Variants in CFAP299 observed in about 807,000 individuals in gnomAD.
The protein encoded by CFAP299 is cilia and flagella associated protein 299, also known as cilia- and flagella-associated protein 299.
In CFAP299, 21 loss-of-function variants were observed where a neutral mutation model predicts 27.0. The ratio of observed to expected loss-of-function variants is 0.78; its 90% CI spans 0.55 to 1.12. The LOEUF (loss-of-function observed/expected upper bound fraction) is 1.12. Ranked by LOEUF, CFAP299 falls within the 50% of genes most tolerant of loss-of-function variation. The pLI is 0.00. For synonymous variants in CFAP299, 104 were observed against 98.1 expected (o/e 1.06, Z -0.36); for missense variants, 310 against 276.6 (o/e 1.12, Z -0.86).
chr4:80,407,667 A>G (rs1726502620), intron 2 of CFAP299, among the ~76,000 whole-genome samples: 1 of 152,172 alleles, frequency 6.6e-6, no homozygotes. Context: ...TTATAAGAGA[A>G]CTTGAAAATT....
At chr4:80,448,616 C>T (rs979920022) in intron 2 of CFAP299, among the ~76,000 whole-genome samples, 2 of 152,016 alleles carry the variant, frequency 1.3e-5, no homozygotes, top group Admixed American at 6.6e-5. Context: ...AGATCTAGAT[C>T]CTCTCTGAAA....
intron 3 of CFAP299, among the ~76,000 whole-genome samples, chr4:80,799,668 T>TAATATATA (rs1728196641): frequency 5.4e-5 from 1 of 18,600 alleles, no homozygotes; most frequent in African/African-American, 2.5e-4. Flanking sequence ...TTATATTTTA[T>TAATATATA]AAATATATAT....
At chr4:80,525,255 G>T (rs1733113898) in intron 2 of CFAP299, among the ~76,000 whole-genome samples, 1 of 152,124 alleles carries the variant, frequency 6.6e-6, no homozygotes, top group South Asian at 2.1e-4. Context: ...AAGGGAAGAG[G>T]ATTATACAAA....
At chr4:80,707,398 C>T (rs568325472) in intron 3 of CFAP299, among the ~76,000 whole-genome samples, 39 of 152,098 alleles carry the variant, frequency 2.6e-4, no homozygotes, top group African/African-American at 9.4e-4. Flanking sequence ...CCATGCTCAT[C>T]TGTTTATGTA....
chr4:80,427,785 G>C (rs1289965988), intron 2 of CFAP299, among the ~76,000 whole-genome samples: 1 of 152,020 alleles, frequency 6.6e-6, no homozygotes, highest in African/African-American at 2.4e-5. Context: ...AAGGCATTCA[G>C]GACATTTTAT....
chr4:80,691,305 G>C (rs1218382956), intron 3 of CFAP299, among the ~76,000 whole-genome samples: 10 of 132,716 alleles, frequency 7.5e-5, no homozygotes, highest in African/African-American at 1.4e-4. Flanking sequence ...TAAAATACTG[G>C]CAAACCGAAT....
rs1268245833 is a variant in CFAP299 at position 80,774,843 on chromosome 4, G to A, written c.334-95150G>A. Among the ~76,000 whole-genome samples, 4 of 151,716 alleles carry A rather than the reference G, an allele frequency of 2.6e-5. No homozygotes were observed. In the East Asian group the frequency reaches 7.7e-4, roughly 29 times the overall value. ...GTGATTCTGCTTCTAAATATATATG[G>A]GCACAGACATTCATCACAGTCACAC... On this transcript the variant is annotated intron_variant, in intron 3 of 5. Transcript: ENST00000358105.
chr4:80,590,188 G>A (rs1736654899), intron 3 of CFAP299, among the ~76,000 whole-genome samples: 4 of 152,212 alleles, frequency 2.6e-5, no homozygotes, highest in East Asian at 1.9e-4. Context: ...GGCATGTTTC[G>A]GAATGATGTG....
At chr4:80,778,832 A>C (rs1378355473) in intron 3 of CFAP299, among the ~76,000 whole-genome samples, 2 of 151,958 alleles carry the variant, frequency 1.3e-5, no homozygotes, top group African/African-American at 4.8e-5. Context: ...CATTGACACA[A>C]TCCACCAATC....
chr4:80,490,353 C>T (rs978758614), intron 2 of CFAP299, among the ~76,000 whole-genome samples: 11 of 152,304 alleles, frequency 7.2e-5, no homozygotes, highest in South Asian at 2.1e-4. Context: ...TTAGTAATTT[C>T]GAGCTATTCT....
intron 2 of CFAP299, among the ~76,000 whole-genome samples, chr4:80,492,567 G>T (rs540868699): frequency 6.6e-6 from 1 of 152,258 alleles, no homozygotes; most frequent in African/African-American, 2.4e-5. Context: ...TCAGAGAAAT[G>T]CAACTTGGTA....
intron 3 of CFAP299, among the ~76,000 whole-genome samples, chr4:80,769,420 G>C (rs1726082259): frequency 6.6e-6 from 1 of 151,856 alleles, no homozygotes. Flanking sequence ...TTTGAAACAG[G>C]GTCTCACTCT....
At chr4:80,411,597 G>A (rs1726724697) in intron 2 of CFAP299, among the ~76,000 whole-genome samples, 1 of 151,442 alleles carries the variant, frequency 6.6e-6, no homozygotes, top group Non-Finnish European at 1.5e-5. Flanking sequence ...ATAATATATA[G>A]CAACCCGAAG....
chr4:80,854,065 A>C (rs1348632811), intron 3 of CFAP299, among the ~76,000 whole-genome samples: 3 of 152,210 alleles, frequency 2.0e-5, no homozygotes, highest in Non-Finnish European at 4.4e-5. Context: ...TCCAAAATTT[A>C]GAGGTCAGGA....
chr4:80,328,783 T>C, the CFAP299 span, among the ~76,000 whole-genome samples: 1 of 152,196 alleles, frequency 6.6e-6, no homozygotes, highest in African/African-American at 2.4e-5. Flanking sequence ...TGAACAGTTA[T>C]TGAAAGTTTA....
At chr4:80,872,756 T>G (rs1733167402) in intron 4 of CFAP299, 1 of 274,030 alleles carries the variant, frequency 3.6e-6, no homozygotes, top group South Asian at 1.4e-4. Context: ...CTGTTCAGAT[T>G]TTCTTTCTGT....
chr4:80,764,783 T>C (rs1725758395), intron 3 of CFAP299, among the ~76,000 whole-genome samples: 1 of 152,192 alleles, frequency 6.6e-6, no homozygotes, highest in African/African-American at 2.4e-5. Context: ...GATGAGTTCA[T>C]GCCCTTTGCA....
intron 4 of CFAP299, chr4:80,872,072 A>T (rs1341890502): frequency 6.6e-6 from 1 of 151,586 alleles, no homozygotes; most frequent in Non-Finnish European, 1.5e-5. Context: ...CACATTCTGG[A>T]TTTTACTGAT....
At chr4:80,681,478 G>GA (rs759486561) in intron 3 of CFAP299, among the ~76,000 whole-genome samples, 3 of 152,000 alleles carry the variant, frequency 2.0e-5, no homozygotes, top group Non-Finnish European at 4.4e-5. Flanking sequence ...AAAGCCTGTA[G>GA]AACTGCAAAG....
Sources: gnomAD v4.1 joint callset for allele counts (sites outside exome capture counted in the v4.1 genomes callset) on GRCh38, gnomAD v4.1.1 for gene constraint, MANE v1.5 for transcripts, NCBI Gene and HGNC (gene_info 2026-07-23, HGNC 2026-07-21) for gene names.